NFIB: variants seen among roughly 807,000 people sequenced by gnomAD.
NFIB encodes the protein nuclear factor I B.
Under a neutral mutation model 61.5 loss-of-function variants are expected in NFIB, and 11 were observed. The ratio of observed to expected loss-of-function variants is 0.18; its 90% CI spans 0.11 to 0.30. The LOEUF (loss-of-function observed/expected upper bound fraction) is 0.30, where lower values mean the gene tolerates loss of function less well. Ranked by LOEUF, NFIB falls within the 10% of genes least tolerant of loss-of-function variation. The pLI, the probability that NFIB is intolerant of heterozygous loss-of-function variation, is 1.00. For synonymous variants in NFIB, 260 were observed against 216.5 expected, an observed-to-expected ratio of 1.20 and a Z score of -1.76; for missense variants, 471 against 608.9, an observed-to-expected ratio of 0.77 and a Z score of 2.38.
At chr9:14,221,531 A>G (rs888330108) in intron 2 of NFIB, among the ~76,000 whole-genome samples, 2 of 152,232 alleles carry the variant, frequency 1.3e-5, no homozygotes, top group African/African-American at 4.8e-5. Flanking sequence ...GCTCAAGTAT[A>G]TAAGACCCCA....
intron 6 of NFIB, among the ~76,000 whole-genome samples, chr9:14,139,928 T>C (rs2041493250): frequency 6.6e-6 from 1 of 152,196 alleles, no homozygotes; most frequent in Non-Finnish European, 1.5e-5. Context: ...GCCAGGGTAG[T>C]ACCTAGAAAT....
chr9:14,186,852 T>C (rs2047382725), intron 2 of NFIB, among the ~76,000 whole-genome samples: 1 of 152,146 alleles, frequency 6.6e-6, no homozygotes, highest in African/African-American at 2.4e-5. Flanking sequence ...AAAATTATAG[T>C]TCTACATTAT....
intron 7 of NFIB, among the ~76,000 whole-genome samples, chr9:14,122,518 C>G (rs541007420): frequency 1.3e-5 from 2 of 152,130 alleles, no homozygotes; most frequent in Non-Finnish European, 2.9e-5. Context: ...AGAACAAATG[C>G]GTATTTCTTA....
At chr9:14,365,670 A>T (rs1475279534) in intron 1 of NFIB, among the ~76,000 whole-genome samples, 1 of 152,222 alleles carries the variant, frequency 6.6e-6, no homozygotes, top group Non-Finnish European at 1.5e-5. Flanking sequence ...TCTTGGCCAG[A>T]CGTTTGTTCT....
chr9:14,293,984 A>G (rs889127192), intron 2 of NFIB, among the ~76,000 whole-genome samples: 1 of 152,202 alleles, frequency 6.6e-6, no homozygotes, highest in African/African-American at 2.4e-5. Context: ...AGTCCAAAAT[A>G]ATTTCATCTT....
chr9:14,189,385 T>C (rs560640482), intron 2 of NFIB, among the ~76,000 whole-genome samples: 3 of 152,286 alleles, frequency 2.0e-5, no homozygotes, highest in Non-Finnish European at 4.4e-5. Context: ...GCAAACCATT[T>C]CACGCACGAA....
At chr9:14,490,564 G>A in the NFIB span, among the ~76,000 whole-genome samples, 25 of 152,160 alleles carry the variant, frequency 1.6e-4, no homozygotes, top group African/African-American at 5.8e-4. Flanking sequence ...GTTGACAAAG[G>A]CTTAGTATTC....
chr9:14,433,902 G>C, the NFIB span, among the ~76,000 whole-genome samples: 3 of 152,294 alleles, frequency 2.0e-5, no homozygotes, highest in East Asian at 5.8e-4. Flanking sequence ...TACAGCTTGG[G>C]ATCAGCCTCG....
At chr9:14,461,156 G>T in the NFIB span, among the ~76,000 whole-genome samples, 1 of 152,234 alleles carries the variant, frequency 6.6e-6, no homozygotes, top group African/African-American at 2.4e-5. Flanking sequence ...ACCACCAATT[G>T]GTAACTGATG....
the NFIB span, among the ~76,000 whole-genome samples, chr9:14,464,098 G>A: frequency 3.9e-5 from 6 of 152,190 alleles, no homozygotes; most frequent in African/African-American, 7.2e-5. Flanking sequence ...GTGACTGGCT[G>A]TGTCTCTGAC....
intron 2 of NFIB, among the ~76,000 whole-genome samples, chr9:14,284,203 T>C (rs952110939): frequency 1.3e-5 from 2 of 152,192 alleles, no homozygotes; most frequent in African/African-American, 4.8e-5. Flanking sequence ...ATCATTATAA[T>C]AAATAATTAA....
intron 1 of NFIB, among the ~76,000 whole-genome samples, chr9:14,358,408 A>G (rs1246607823): frequency 6.6e-6 from 1 of 152,148 alleles, no homozygotes; most frequent in African/African-American, 2.4e-5. Context: ...GGCTAACTAA[A>G]ATGGAAATGT....
At chr9:14,510,862 TGAAAA>T in the NFIB span, among the ~76,000 whole-genome samples, 1 of 152,204 alleles carries the variant, frequency 6.6e-6, no homozygotes, top group Admixed American at 6.5e-5. Flanking sequence ...AATACCTTTT[TGAAAA>T]GAAAAGAATC....
At chr9:14,361,663 A>C (rs927975859) in intron 1 of NFIB, 1 of 152,240 alleles carries the variant, frequency 6.6e-6, no homozygotes, top group Non-Finnish European at 1.5e-5. Flanking sequence ...AACAGTAGCC[A>C]CTAAAATCTT....
the NFIB span, among the ~76,000 whole-genome samples, chr9:14,428,898 A>T: frequency 6.6e-6 from 1 of 152,138 alleles, no homozygotes; most frequent in African/African-American, 2.4e-5. Flanking sequence ...TCCTTGGAAG[A>T]AAAAAACAGA....
At chr9:14,338,666 G>A (rs558634136) in intron 1 of NFIB, among the ~76,000 whole-genome samples, 1 of 152,268 alleles carries the variant, frequency 6.6e-6, no homozygotes, top group Admixed American at 6.5e-5. Flanking sequence ...CTCAGCTACC[G>A]TGTGACTTGT....
chr9:14,421,727 C>T, the NFIB span, among the ~76,000 whole-genome samples: 1 of 152,182 alleles, frequency 6.6e-6, no homozygotes. Flanking sequence ...ATTTGCATAA[C>T]AGCAAAGATT....
intron 1 of NFIB, among the ~76,000 whole-genome samples, chr9:14,326,698 G>GA (rs34910775): frequency 0.8 from 100,133 of 125,398 alleles, 41,022 homozygotes; most frequent in Non-Finnish European, 0.9. Flanking sequence ...GTGGTTTACA[G>GA]AAAAAAAAAA....
In NFIB at chr9:14,227,360, G is replaced by T. The variant is rs1264808070; in HGVS notation, c.563-47580C>A. On this transcript the variant is annotated intron_variant, in intron 2 of 10. Coordinates refer to ENST00000380953, the MANE Select transcript of NFIB (RefSeq NM_001190737.2). ...GCCTGTGCTTTTCATTTCTAGGTCA[G>T]TATAGGGCATGAAATATTAGGAAGT... Among the ~76,000 whole-genome samples, 3 of 152,064 alleles carry T rather than the reference G, an allele frequency of 2.0e-5. No homozygotes were observed. The East Asian group carries it at 5.8e-4, about 29-fold the overall frequency.
Sources: allele counts gnomAD v4.1 joint callset (sites outside exome capture counted in the v4.1 genomes callset), GRCh38; gene constraint gnomAD v4.1.1; transcripts MANE v1.5; gene names NCBI Gene and HGNC (gene_info 2026-07-23, HGNC 2026-07-21).